Variants in DNAH8 observed in about 807,000 individuals in gnomAD.
DNAH8 encodes the protein axonemal beta dynein heavy chain 8.
DNAH8 carries 382 observed loss-of-function variants against 562.1 expected under a neutral mutation model. The ratio of observed to expected loss-of-function variants is 0.68; its 90% CI spans 0.63 to 0.74. The LOEUF (loss-of-function observed/expected upper bound fraction) is 0.74. Ranked by LOEUF, DNAH8 falls within the 30% of genes least tolerant of loss-of-function variation. The pLI is 0.00. For synonymous variants in DNAH8, 1,881 were observed against 1,919.4 expected, an observed-to-expected ratio of 0.98 and a Z score of 0.52; for missense variants, 5,203 against 5,620.4, an observed-to-expected ratio of 0.93 and a Z score of 2.37.
chr6:39,025,763 T>G (rs1464473486), intron 91 of DNAH8, among the ~76,000 whole-genome samples: 1 of 152,242 alleles, frequency 6.6e-6, no homozygotes, highest in East Asian at 1.9e-4. Context: ...TTGGAGAGCT[T>G]TATGATTTTT....
chr6:38,890,199 G>A (rs1051558402), intron 57 of DNAH8, among the ~76,000 whole-genome samples: 1 of 152,052 alleles, frequency 6.6e-6, no homozygotes, highest in African/African-American at 2.4e-5. Flanking sequence ...TTGAACAATC[G>A]GCTTCACCTG....
chr6:38,820,567 A>G (rs1385852653), intron 26 of DNAH8, among the ~76,000 whole-genome samples: 1 of 152,216 alleles, frequency 6.6e-6, no homozygotes, highest in Non-Finnish European at 1.5e-5. Context: ...TGACTTCTTT[A>G]TATCTAAAAA....
At position 38,990,157 on chromosome 6, in the gene DNAH8, C is replaced by G. The variant is rs764077114; in HGVS notation, c.13199C>G (p.Pro4400Arg). Residue 4400 changes from proline (P) to arginine (R), a missense_variant, in exon 88 of 93, where the codon CCT becomes CGT. Physicochemically the swap from Pro to Arg is moderately radical, Grantham distance 103. Transcript: ENST00000327475. ...AACCCTGAAGTCTTTGGGCTTCACC[C>G]TAATGCTGATATCACGTAAGTCCCT... is the stretch of plus-strand genomic sequence containing the variant. ...LDNPEVFGLH[P>R]NADITYQSNT... The G allele has an allele frequency of 1.9e-6, 3 of 1,606,226 alleles. No individual in the cohort carries two copies. The highest frequency in any genetic ancestry group is 2.6e-6 in the Non-Finnish European group (3 of 1,176,294).
intron 30 of DNAH8, among the ~76,000 whole-genome samples, chr6:38,829,352 C>T (rs1022791679): frequency 6.6e-6 from 1 of 151,996 alleles, no homozygotes; most frequent in African/African-American, 2.4e-5. Context: ...TCTAGTTTAT[C>T]TTTTTATTGT....
chr6:39,023,135 A>G (rs1358500175), intron 91 of DNAH8, among the ~76,000 whole-genome samples: 3 of 152,220 alleles, frequency 2.0e-5, no homozygotes, highest in South Asian at 2.1e-4. Flanking sequence ...AGTTAAACAT[A>G]TGAACATAGG....
chr6:39,004,281 G>A (rs1259184128), intron 88 of DNAH8, among the ~76,000 whole-genome samples: 10 of 152,086 alleles, frequency 6.6e-5, no homozygotes, highest in Admixed American at 6.6e-4. Context: ...TTTAGCTACA[G>A]TCACTCTCCT....
intron 77 of DNAH8, 86 bp from the exon 78 acceptor site, chr6:38,937,888 A>C: frequency 7.1e-7 from 1 of 1,408,284 alleles, no homozygotes; most frequent in Non-Finnish European, 9.7e-7. Context: ...GAAAGCTAAC[A>C]GCGTTTTTTT....
intron 1 of DNAH8, among the ~76,000 whole-genome samples, chr6:38,718,223 T>A (rs34160964): frequency 6.6e-6 from 1 of 151,936 alleles, no homozygotes; most frequent in Non-Finnish European, 1.5e-5. Flanking sequence ...AAACATGTTG[T>A]AGTGAACCAC....
chr6:38,788,429 C>T (rs1200460808), intron 18 of DNAH8, among the ~76,000 whole-genome samples: 3 of 152,168 alleles, frequency 2.0e-5, no homozygotes, highest in Non-Finnish European at 2.9e-5. Context: ...GGATTACAGG[C>T]CTGAGCCACT....
intron 3 of DNAH8, among the ~76,000 whole-genome samples, chr6:38,727,448 C>T (rs1336450417): frequency 1.5e-4 from 23 of 152,222 alleles, no homozygotes; most frequent in Admixed American, 6.5e-4. Flanking sequence ...GGCCCTGTTC[C>T]TGACTGTGGT....
rs761449346 is a variant in DNAH8 at position 38,851,537 on chromosome 6, A to C, written c.5364-35A>C. The C allele has an allele frequency of 1.2e-5, 16 of 1,387,900 alleles. No individual in the cohort carries two copies. The African/African-American group carries it at 1.5e-4, about 13-fold the overall frequency. 86.0% of individuals were successfully genotyped at this position (1,387,900 alleles called of 1,614,324 possible). A position where few individuals can be genotyped will look rare whatever the true frequency, so the allele number is the denominator to read the frequency against. The stretch of plus-strand genomic sequence containing the variant: ...AAAATAATAATTTAGGGGAAAAAAA[A>C]CCACTTGGTAACATACTGTCGACTT... On this transcript the variant is annotated intron_variant, in intron 38 of 92. Coordinates refer to ENST00000327475, the MANE Select transcript of DNAH8 (RefSeq NM_001206927.2).
chr6:39,004,347 A>G (rs537130638), intron 88 of DNAH8, among the ~76,000 whole-genome samples: 1 of 152,294 alleles, frequency 6.6e-6, no homozygotes, highest in South Asian at 2.1e-4. Context: ...TAGACATACA[A>G]TGATTGTTTT....
chr6:38,722,946 G>T lies in DNAH8; in HGVS notation c.137G>T (p.Gly46Val). Residue 46 changes from glycine to valine, a missense_variant, in exon 2 of 93, where the codon GGT becomes GTT. By Grantham distance (109) the Gly-to-Val change is moderately radical (BLOSUM62 -3). Coordinates refer to ENST00000327475, the MANE Select transcript of DNAH8 (RefSeq NM_001206927.2). ...PPTVEAPAED[G>V]FSPSAEDAVS... ...ACAGTGGAGGCCCCGGCAGAAGATG[G>T]TTTCTCTCCTTCCGCAGAAGATGCT... is the stretch of plus-strand genomic sequence containing the variant. 1.9e-6 allele frequency: 3 copies of T among 1,612,668 alleles called. No individual in the cohort carries two copies. The highest frequency in any genetic ancestry group is 2.2e-5 in the South Asian group (2 of 91,070).
chr6:38,743,229 C>T (rs758101131), intron 8 of DNAH8, among the ~76,000 whole-genome samples: 2 of 151,946 alleles, frequency 1.3e-5, no homozygotes, highest in Non-Finnish European at 2.9e-5. Context: ...TCTTAAACTC[C>T]TGGGCTCAAG....
At chr6:38,899,178 C>T (rs928440463) in intron 61 of DNAH8, among the ~76,000 whole-genome samples, 1 of 152,082 alleles carries the variant, frequency 6.6e-6, no homozygotes, top group Non-Finnish European at 1.5e-5. Flanking sequence ...TGAGATTTGA[C>T]CCACAATTTG....
chr6:39,017,621 A>G (rs971827607), intron 91 of DNAH8, among the ~76,000 whole-genome samples: 1 of 152,160 alleles, frequency 6.6e-6, no homozygotes, highest in South Asian at 2.1e-4. Context: ...TAGATGCCAA[A>G]TTGTGCCCAC....
rs574214434 is a variant in DNAH8, at chr6:38,955,513, C to A, written c.12451+3993C>A. On this transcript the variant is annotated intron_variant, in intron 82 of 92. Coordinates refer to ENST00000327475, the MANE Select transcript of DNAH8 (RefSeq NM_001206927.2). ...GGGTGTGGTGGCGGGCACTTGTAAT[C>A]CCAGTTACTCGGGAGGCTGAGACAT... Among the ~76,000 whole-genome samples, 20 of 152,094 alleles carry A rather than the reference C, an allele frequency of 1.3e-4. No individual in the cohort carries two copies. In the South Asian group the frequency reaches 2.5e-3, roughly 19 times the overall value.
rs1366120302 is a variant in DNAH8 at position 38,842,848 on chromosome 6, T to A, written c.4790T>A (p.Phe1597Tyr). 4 of 1,613,770 alleles carry A rather than the reference T, an allele frequency of 2.5e-6. No individual in the cohort carries two copies. The African/African-American group carries it at 5.3e-5, about 22-fold the overall frequency. ...CCATTTGATGTGGAATCTGATTCTT[T>A]TTGCCTTAGAAATATCATGGAAGCA... ...GTPFDVESDS[F>Y]CLRNIMEAPL... is the part of the protein sequence containing the mutation. Residue 1597 changes from phenylalanine to tyrosine, a missense_variant, in exon 35 of 93, where the codon TTT becomes TAT. Physicochemically the swap from Phe to Tyr is conservative, Grantham distance 22 (BLOSUM62 3). Around this residue, in one of 6 missense-constraint regions of DNAH8, gnomAD observed 2,176 missense variants for 2,365.1 expected, o/e 0.92. Coordinates refer to ENST00000327475, the MANE Select transcript of DNAH8 (RefSeq NM_001206927.2).
At chr6:38,819,612 TATC>T (rs1772627609) in intron 26 of DNAH8, among the ~76,000 whole-genome samples, 1 of 152,116 alleles carries the variant, frequency 6.6e-6, no homozygotes, top group Admixed American at 6.5e-5. Flanking sequence ...AGCCCACTAT[TATC>T]ATTTTTATTT....
Sources: allele counts gnomAD v4.1 joint callset (sites outside exome capture counted in the v4.1 genomes callset), GRCh38; gene constraint gnomAD v4.1.1; regional missense constraint gnomAD v4.1.1; transcripts MANE v1.5; gene names NCBI Gene and HGNC (gene_info 2026-07-23, HGNC 2026-07-21).